Variants in SMC6 observed in about 807,000 individuals in gnomAD.
The protein encoded by SMC6 is structural maintenance of chromosomes 6.
In SMC6, 79 loss-of-function variants were observed where a neutral mutation model predicts 142.2. The observed-to-expected ratio is 0.56, with a 90% CI of 0.46 to 0.67. The LOEUF (loss-of-function observed/expected upper bound fraction) is 0.67, where lower values mean the gene tolerates loss of function less well. SMC6 is among the 30% of genes least tolerant of loss of function. The probability of loss-of-function intolerance (pLI) is 0.00; values close to 1 mark genes in which losing one functional copy is unlikely to be tolerated. For missense variants in SMC6, 1,072 were observed against 1,284.0 expected (o/e 0.83, Z 2.52); for synonymous variants, 411 against 412.4 (o/e 1.00, Z 0.04).
At chr2:17,695,595 G>T (rs1667950582) in intron 22 of SMC6, among the ~76,000 whole-genome samples, 1 of 152,122 alleles carries the variant, frequency 6.6e-6, no homozygotes, top group South Asian at 2.1e-4. Flanking sequence ...GCTACCCAGG[G>T]CATCGAGGTG....
intron 21 of SMC6, among the ~76,000 whole-genome samples, chr2:17,698,094 A>T (rs899818460): frequency 2.0e-5 from 3 of 152,228 alleles, no homozygotes; most frequent in Non-Finnish European, 2.9e-5. Flanking sequence ...GGCAATCTAT[A>T]GAGATAGAAA....
At chr2:17,673,549 T>C (rs571791659) in intron 25 of SMC6, among the ~76,000 whole-genome samples, 1 of 151,866 alleles carries the variant, frequency 6.6e-6, no homozygotes, top group East Asian at 1.9e-4. Flanking sequence ...TACTGTTTAT[T>C]ATTTAAAAAA....
chr2:17,694,326 G>A (rs73921046), intron 23 of SMC6, among the ~76,000 whole-genome samples: 77 of 152,258 alleles, frequency 5.1e-4, no homozygotes, highest in African/African-American at 1.8e-3. Flanking sequence ...AATGTAAGGA[G>A]ATTTGAAATG....
At chr2:17,701,935 G>A in intron 19 of SMC6, 26 bp from the exon 20 acceptor site, 4 of 1,301,638 alleles carry the variant, frequency 3.1e-6, no homozygotes, top group Middle Eastern at 2.3e-4. Context: ...TTGGATTTTA[G>A]TAACATAAAA....
At chr2:17,669,813 A>G (rs923672199) in intron 26 of SMC6, among the ~76,000 whole-genome samples, 7 of 152,226 alleles carry the variant, frequency 4.6e-5, no homozygotes, top group Non-Finnish European at 1.0e-4. Context: ...CACAGTAAGT[A>G]TAATGTATGA....
intron 22 of SMC6, 95 bp from the exon 23 acceptor site, chr2:17,695,392 C>A: frequency 1.0e-6 from 1 of 1,001,104 alleles, no homozygotes; most frequent in Non-Finnish European, 1.4e-6. Context: ...AAATTCTGAA[C>A]TCATTTTTAA....
intron 21 of SMC6, 26 bp downstream of exon 21, chr2:17,700,182 C>T (rs538259685): frequency 5.2e-5 from 78 of 1,510,550 alleles, no homozygotes; most frequent in Non-Finnish European, 6.8e-5. Flanking sequence ...AAAATACATA[C>T]GTAACACAGT....
intron 27 of SMC6, among the ~76,000 whole-genome samples, chr2:17,666,197 G>A (rs1289419997): frequency 6.6e-6 from 1 of 152,126 alleles, no homozygotes; most frequent in Non-Finnish European, 1.5e-5. Context: ...ACTCAAAACA[G>A]AATAGTAACA....
At chr2:17,717,308 T>A in intron 12 of SMC6, 132 bp from the exon 13 acceptor site, 1 of 555,026 alleles carries the variant, frequency 1.8e-6, no homozygotes, top group Non-Finnish European at 3.1e-6. Context: ...AAAATGGCCA[T>A]TTGAAACCAT....
intron 23 of SMC6, among the ~76,000 whole-genome samples, chr2:17,691,336 C>G (rs1170136949): frequency 6.3e-5 from 6 of 95,292 alleles, no homozygotes; most frequent in East Asian, 2.3e-4. Flanking sequence ...GTGTGTGTCT[C>G]TGTGTGTGTG....
At chr2:17,717,638 T>C (rs1669162669) in intron 12 of SMC6, among the ~76,000 whole-genome samples, 1 of 152,088 alleles carries the variant, frequency 6.6e-6, no homozygotes, top group South Asian at 2.1e-4. Flanking sequence ...GCCACTGCAC[T>C]CCAGCCTGGG....
chr2:17,703,704 A>G (rs1362107926), intron 18 of SMC6, among the ~76,000 whole-genome samples: 1 of 152,068 alleles, frequency 6.6e-6, no homozygotes, highest in East Asian at 1.9e-4. Context: ...TTAATAGTAA[A>G]TATATTTTCT....
chr2:17,736,992 A>G (rs928452099), intron 5 of SMC6, among the ~76,000 whole-genome samples: 4 of 152,182 alleles, frequency 2.6e-5, no homozygotes, highest in African/African-American at 9.6e-5. Context: ...TAAAATAACT[A>G]ATTTTTTGCT....
At chr2:17,687,151 C>T (rs1018780391) in intron 23 of SMC6, among the ~76,000 whole-genome samples, 1 of 152,158 alleles carries the variant, frequency 6.6e-6, no homozygotes, top group African/African-American at 2.4e-5. Flanking sequence ...AAATATCTAA[C>T]AAAACCACTT....
chr2:17,731,166 C>A (rs1259357943), intron 6 of SMC6, 27 bp from the exon 7 acceptor site: 3 of 1,541,222 alleles, frequency 1.9e-6, no homozygotes, highest in African/African-American at 2.7e-5. Flanking sequence ...TATGAAATAA[C>A]CAAACTGTTT....
At chr2:17,690,882 A>G (rs1667676832) in intron 23 of SMC6, among the ~76,000 whole-genome samples, 1 of 151,978 alleles carries the variant, frequency 6.6e-6, no homozygotes, top group Non-Finnish European at 1.5e-5. Context: ...AGGCACTCTA[A>G]CACATCGCTA....
intron 17 of SMC6, among the ~76,000 whole-genome samples, chr2:17,707,620 G>A (rs1668614456): frequency 6.6e-6 from 1 of 152,032 alleles, no homozygotes; most frequent in Non-Finnish European, 1.5e-5. Context: ...ACAAATTGGT[G>A]TATATTTATT....
intron 22 of SMC6, 116 bp downstream of exon 22, chr2:17,696,173 G>T: frequency 1.5e-6 from 2 of 1,312,128 alleles, no homozygotes; most frequent in Non-Finnish European, 2.1e-6. Flanking sequence ...TACTCTATAT[G>T]AAACAGAAAT....
chr2:17,682,729 C>A (rs751062836), intron 24 of SMC6, among the ~76,000 whole-genome samples: 4 of 152,092 alleles, frequency 2.6e-5, no homozygotes, highest in Non-Finnish European at 5.9e-5. Context: ...CAACCAACGG[C>A]TGCTCTAATC....
Sources: allele counts gnomAD v4.1 joint callset (sites outside exome capture counted in the v4.1 genomes callset), GRCh38; gene constraint gnomAD v4.1.1; transcripts MANE v1.5; gene names NCBI Gene and HGNC (gene_info 2026-07-23, HGNC 2026-07-21).